The following PLD5 variants were observed in gnomAD, a reference collection of about 807,000 sequenced individuals.
PLD5 encodes phospholipase D family member 5.
A neutral mutation model predicts 61.1 loss-of-function variants in PLD5; 36 were observed. The ratio of observed to expected loss-of-function variants is 0.59; its 90% CI spans 0.45 to 0.78. The LOEUF (loss-of-function observed/expected upper bound fraction) is 0.78. PLD5 is among the 30% of genes least tolerant of loss of function. The pLI is 0.00. For missense variants in PLD5, 515 were observed against 644.4 expected (o/e 0.80, Z 2.17); for synonymous variants, 243 against 242.8 (o/e 1.00, Z -0.01).
chr1:242,272,653 A>T (rs1674160338), intron 3 of PLD5, among the ~76,000 whole-genome samples: 1 of 152,186 alleles, frequency 6.6e-6, no homozygotes, highest in East Asian at 1.9e-4. Context: ...GATTGTCCTT[A>T]TACCAAAGAA....
At chr1:242,232,514 AT>A (rs553638400) in intron 4 of PLD5, among the ~76,000 whole-genome samples, 2,037 of 149,592 alleles carry the variant, frequency 0.014, 19 homozygotes, top group Non-Finnish European at 0.017. Context: ...TATGTGCTGC[AT>A]TTTTTTTTTC....
intron 5 of PLD5, among the ~76,000 whole-genome samples, chr1:242,142,723 TCTCTCTC>T (rs1664260336): frequency 2.0e-5 from 3 of 151,260 alleles, no homozygotes; most frequent in South Asian, 2.1e-4. Context: ...TTTCTCTCTC[TCTCTCTC>T]TCTCTCTCTC....
chr1:242,232,255 G>A (rs953959395), intron 4 of PLD5, among the ~76,000 whole-genome samples: 2 of 152,034 alleles, frequency 1.3e-5, no homozygotes, highest in Middle Eastern at 3.2e-3. Flanking sequence ...AATAACATAC[G>A]AAGATTAACT....
intron 2 of PLD5, among the ~76,000 whole-genome samples, chr1:242,323,911 A>G (rs1558464731): frequency 1.3e-5 from 2 of 152,190 alleles, no homozygotes; most frequent in Non-Finnish European, 2.9e-5. Context: ...TGATAAAACA[A>G]GAAATAAAGT....
rs187659881 is a variant in PLD5 at position 242,363,841 on chromosome 1, T to C, written c.190-15599A>G. Among the ~76,000 whole-genome samples, 166 of 152,186 alleles carry C rather than the reference T, an allele frequency of 1.1e-3. 2 individuals carry two copies. Among genetic ancestry groups the C allele is most frequent in the Admixed American group, 1.3e-3 (20 of 15,284 alleles). On this transcript the variant is annotated intron_variant, in intron 1 of 9. Transcript: ENST00000536534. ...TTCTAGAAATAATACATACACTGAATGGGATTAACAGCAGATTAGACACAA... is the reference window on the plus strand; with the variant it reads ...TTCTAGAAATAATACATACACTGAACGGGATTAACAGCAGATTAGACACAA...
intron 5 of PLD5, among the ~76,000 whole-genome samples, chr1:242,218,908 C>T (rs530422735): frequency 6.6e-6 from 1 of 152,268 alleles, no homozygotes; most frequent in South Asian, 2.1e-4. Flanking sequence ...ATACTCTTTA[C>T]ATGCGTAGAA....
intron 1 of PLD5, among the ~76,000 whole-genome samples, chr1:242,509,979 A>G (rs1057249358): frequency 6.6e-6 from 1 of 152,182 alleles, no homozygotes; most frequent in Admixed American, 6.5e-5. Context: ...TCAGCCTTGG[A>G]GCACTGGATT....
chr1:242,215,177 C>T (rs971237895), intron 5 of PLD5, among the ~76,000 whole-genome samples: 5 of 150,216 alleles, frequency 3.3e-5, no homozygotes, highest in South Asian at 2.1e-4. Context: ...TGTGAGCCAC[C>T]GTGCCCAGCC....
At chr1:242,164,368 G>A (rs1006281245) in intron 5 of PLD5, among the ~76,000 whole-genome samples, 21 of 149,798 alleles carry the variant, frequency 1.4e-4, no homozygotes, top group African/African-American at 4.7e-4. Context: ...CCCCTGGAAG[G>A]TTCTATTAAA....
At chr1:242,152,323 T>C (rs562999426) in intron 5 of PLD5, among the ~76,000 whole-genome samples, 5 of 152,184 alleles carry the variant, frequency 3.3e-5, no homozygotes, top group South Asian at 2.1e-4. Context: ...TGTGGTTCCA[T>C]TGGACCCATC....
At position 242,329,656 on chromosome 1, in the gene PLD5, G is replaced by C. The variant is rs571287329; in HGVS notation, c.326+18450C>G. ...TGTATATCTTGACTGTCTGCCTTAG[G>C]AGAAGGGGAGTTAATTCTTACTGGT... On this transcript the variant is annotated intron_variant, in intron 2 of 9. Coordinates refer to ENST00000536534, the MANE Select transcript of PLD5 (RefSeq NM_001372062.1). Among the ~76,000 whole-genome samples, 5 of 152,306 alleles carry C rather than the reference G, an allele frequency of 3.3e-5. No individual in the cohort carries two copies. In the South Asian group the frequency reaches 1.0e-3, roughly 32 times the overall value.
At chr1:242,252,806 T>C (rs1262177342) in intron 4 of PLD5, among the ~76,000 whole-genome samples, 2 of 147,204 alleles carry the variant, frequency 1.4e-5, no homozygotes, top group Non-Finnish European at 3.0e-5. Flanking sequence ...TCTTTATTCC[T>C]CTTCAGTGCC....
At chr1:242,295,031 G>T (rs1303555033) in intron 2 of PLD5, among the ~76,000 whole-genome samples, 1 of 152,098 alleles carries the variant, frequency 6.6e-6, no homozygotes, top group East Asian at 1.9e-4. Flanking sequence ...TGATTTTCTG[G>T]TCACATTAAT....
Position 242,239,265 on chromosome 1 carries a change from T to C in PLD5, c.608-19150A>G, listed in dbSNP as rs79469808. The stretch of plus-strand genomic sequence containing the variant: ...GGCACAGTATCACATCTTTGTCCCA[T>C]AGTCTCTGCATGTGCTCAGGAAGAA... On this transcript the variant is annotated intron_variant, in intron 4 of 9. Transcript: ENST00000536534. 7.5e-3 allele frequency among the ~76,000 whole-genome samples: 1,135 copies of C among 151,030 alleles called. 12 individuals carry two copies. The highest frequency in any genetic ancestry group is 0.026 in the African/African-American group (1,064 of 41,428).
At chr1:242,268,594 C>G (rs899610721) in intron 3 of PLD5, among the ~76,000 whole-genome samples, 1 of 152,162 alleles carries the variant, frequency 6.6e-6, no homozygotes, top group African/African-American at 2.4e-5. Flanking sequence ...GTGCTGATTA[C>G]TTACACCAAG....
chr1:242,216,609 C>T (rs1235208218), intron 5 of PLD5, among the ~76,000 whole-genome samples: 1 of 152,236 alleles, frequency 6.6e-6, no homozygotes, highest in Non-Finnish European at 1.5e-5. Flanking sequence ...TTAATCTATA[C>T]TGAATAAATG....
intron 8 of PLD5, among the ~76,000 whole-genome samples, chr1:242,101,095 G>A (rs921034845): frequency 4.6e-5 from 7 of 152,072 alleles, no homozygotes; most frequent in Non-Finnish European, 2.9e-5. Context: ...CTTATTCATC[G>A]GGGTGCCAGC....
At chr1:242,192,265 G>A (rs1286310587) in intron 5 of PLD5, 1 of 152,298 alleles carries the variant, frequency 6.6e-6, no homozygotes, top group Non-Finnish European at 1.5e-5. Context: ...TCCAGCCCAA[G>A]CATGCAGTTT....
At position 242,394,491 on chromosome 1, in the gene PLD5, CAT is replaced by C. The variant is rs1168316622; in HGVS notation, c.190-46251_190-46250del. On this transcript the variant is annotated intron_variant, in intron 1 of 9. Coordinates refer to ENST00000536534, the MANE Select transcript of PLD5 (RefSeq NM_001372062.1). ...ACATATATATGTGTATATATGTGAACATATATATGTGTATATATGTGAACATA... is the reference window on the plus strand; with the variant it reads ...ACATATATATGTGTATATATGTGAACATATATGTGTATATATGTGAACATA... Among the ~76,000 whole-genome samples, 31 of 39,016 alleles carry C rather than the reference CAT, an allele frequency of 7.9e-4. 7 individuals carry two copies. Among genetic ancestry groups the C allele is most frequent in the East Asian group, 5.3e-3 (9 of 1,686 alleles). 25.6% of individuals were successfully genotyped at this position (39,016 alleles called of 152,430 possible).
Sources: gnomAD v4.1 joint callset for allele counts (sites outside exome capture counted in the v4.1 genomes callset) on GRCh38, gnomAD v4.1.1 for gene constraint, MANE v1.5 for transcripts, NCBI Gene and HGNC (gene_info 2026-07-23, HGNC 2026-07-21) for gene names.